Variants in ST3GAL3 observed in about 807,000 individuals in gnomAD.
ST3GAL3 encodes CMP-N-acetylneuraminate-beta-1,4-galactoside alpha-2,3-sialyltransferase.
A neutral mutation model predicts 50.1 loss-of-function variants in ST3GAL3; 21 were observed. The ratio of observed to expected loss-of-function variants is 0.42; its 90% CI spans 0.30 to 0.60. The LOEUF is 0.60. Among genes scored for constraint, ST3GAL3 ranks in the 20% least tolerant of loss-of-function variants. The probability of loss-of-function intolerance (pLI) is 0.19; values close to 1 mark genes in which losing one functional copy is unlikely to be tolerated. For synonymous variants in ST3GAL3, 183 were observed against 190.0 expected (o/e 0.96, Z 0.30); for missense variants, 353 against 489.4 (o/e 0.72, Z 2.63).
intron 5 of ST3GAL3, among the ~76,000 whole-genome samples, chr1:43,888,614 C>T (rs753660492): frequency 1.1e-4 from 16 of 151,618 alleles, no homozygotes; most frequent in Non-Finnish European, 1.6e-4. Flanking sequence ...GCAAGAGATA[C>T]GAATAAAGTT....
chr1:43,725,450 C>T (rs191204094), intron 1 of ST3GAL3, among the ~76,000 whole-genome samples: 38 of 152,230 alleles, frequency 2.5e-4, no homozygotes, highest in African/African-American at 8.7e-4. Context: ...CCACCCACCT[C>T]GGCGTCTCAA....
chr1:43,778,413 A>G (rs1698093204), intron 2 of ST3GAL3, among the ~76,000 whole-genome samples: 1 of 152,240 alleles, frequency 6.6e-6, no homozygotes, highest in Admixed American at 6.5e-5. Context: ...GATGTACCCC[A>G]GAACTTAAAA....
chr1:43,879,694 C>T (rs969598419), intron 5 of ST3GAL3, among the ~76,000 whole-genome samples: 1 of 152,082 alleles, frequency 6.6e-6, no homozygotes, highest in African/African-American at 2.4e-5. Context: ...GAATATGGGA[C>T]TAAAAGAGAA....
chr1:43,891,317 C>A (rs2076652562), intron 5 of ST3GAL3, among the ~76,000 whole-genome samples: 1 of 152,246 alleles, frequency 6.6e-6, no homozygotes, highest in Non-Finnish European at 1.5e-5. Flanking sequence ...CGCCTGTAAT[C>A]CCAGCACTTT....
chr1:43,797,515 C>T (rs1035734194), intron 3 of ST3GAL3, among the ~76,000 whole-genome samples: 4 of 151,958 alleles, frequency 2.6e-5, no homozygotes, highest in Non-Finnish European at 5.9e-5. Context: ...TATAATCCAC[C>T]GTATTAACTG....
At chr1:43,795,591 C>T (rs952891690) in intron 3 of ST3GAL3, among the ~76,000 whole-genome samples, 12 of 152,290 alleles carry the variant, frequency 7.9e-5, no homozygotes, top group East Asian at 5.8e-4. Context: ...ATTTACAAAG[C>T]GCTGGGCATA....
rs1170641209 is a variant in ST3GAL3, at chr1:43,919,069, C to CTTTTTTTTTTTTTTTTTTTTTT, written c.745-1330_745-1309dup. The CTTTTTTTTTTTTTTTTTTTTTT allele has an allele frequency of 2.5e-4, 15 of 60,328 alleles. 4 individuals are homozygous for CTTTTTTTTTTTTTTTTTTTTTT. The highest frequency in any genetic ancestry group is 3.5e-4 in the Non-Finnish European group (12 of 33,934). 3.7% of individuals were successfully genotyped at this position (60,328 alleles called of 1,614,324 possible). On this transcript the variant is annotated intron_variant, in intron 9 of 11. Coordinates refer to ENST00000347631, the MANE Select transcript of ST3GAL3 (RefSeq NM_006279.5). ...TTTCTTTTCTTTCCTTTCTTTGTTT[C>CTTTTTTTTTTTTTTTTTTTTTT]TTTTTTTTTTTTTTTTTTTTTTTTT...
chr1:43,778,765 C>T (rs1261741652), intron 2 of ST3GAL3, among the ~76,000 whole-genome samples: 1 of 147,620 alleles, frequency 6.8e-6, no homozygotes, highest in Non-Finnish European at 1.5e-5. Context: ...CCTGCCTCAG[C>T]CTCCCGAGTA....
intron 9 of ST3GAL3, chr1:43,919,980 G>A: frequency 2.9e-6 from 1 of 340,740 alleles, no homozygotes; most frequent in South Asian, 2.7e-5. Context: ...AGCAGCAAGG[G>A]AAGTGGGAGC....
At chr1:43,838,146 A>G (rs184545374) in intron 4 of ST3GAL3, 73 bp from the exon 5 acceptor site, 5 of 920,274 alleles carry the variant, frequency 5.4e-6, no homozygotes, top group Non-Finnish European at 8.5e-6. Context: ...AAACACCTAC[A>G]GCTCCTTATG....
chr1:43,793,925 T>A (rs114943577), intron 3 of ST3GAL3, among the ~76,000 whole-genome samples: 7,552 of 151,688 alleles, frequency 0.05, 607 homozygotes, highest in African/African-American at 0.17. Context: ...TCTACAAAAA[T>A]TTTTTTAAAA....
intron 1 of ST3GAL3, 106 bp from the exon 2 acceptor site, chr1:43,736,127 C>G: frequency 9.0e-7 from 1 of 1,111,080 alleles, no homozygotes; most frequent in Non-Finnish European, 1.4e-6. Flanking sequence ...AGTGATAACT[C>G]TAAGTTATTC....
intron 5 of ST3GAL3, among the ~76,000 whole-genome samples, chr1:43,847,646 AG>A (rs1428906020): frequency 4.6e-5 from 7 of 152,206 alleles, no homozygotes; most frequent in Non-Finnish European, 1.5e-5. Flanking sequence ...AGGAATGGAG[AG>A]TTATTGTTTA....
chr1:43,778,660 T>G (rs1197556113), intron 2 of ST3GAL3, among the ~76,000 whole-genome samples: 2 of 146,528 alleles, frequency 1.4e-5, no homozygotes, highest in Non-Finnish European at 3.0e-5. Context: ...TTTTTTTTTT[T>G]TTTGAGACGG....
At chr1:43,839,335 T>G (rs1448074638) in intron 5 of ST3GAL3, 1 of 152,260 alleles carries the variant, frequency 6.6e-6, no homozygotes, top group Non-Finnish European at 1.5e-5. Flanking sequence ...TTTTGCTTCC[T>G]CCAGCTATTT....
intron 1 of ST3GAL3, chr1:43,707,915 C>T (rs1296028680): frequency 6.6e-6 from 1 of 152,356 alleles, no homozygotes; most frequent in Admixed American, 6.5e-5. Flanking sequence ...GCCGCCGAGC[C>T]TGGGGGAAAG....
intron 2 of ST3GAL3, among the ~76,000 whole-genome samples, chr1:43,789,184 C>G (rs1310985665): frequency 5.3e-5 from 8 of 151,968 alleles, no homozygotes; most frequent in African/African-American, 1.9e-4. Flanking sequence ...TTGGAGAAAT[C>G]AGTAGAAAGG....
intron 2 of ST3GAL3, among the ~76,000 whole-genome samples, chr1:43,780,211 G>A (rs576335545): frequency 1.2e-4 from 19 of 152,232 alleles, no homozygotes; most frequent in African/African-American, 4.6e-4. Context: ...TAGAATTCTA[G>A]GTTGGAAACC....
At chr1:43,860,220 CT>C (rs2069561343) in intron 5 of ST3GAL3, among the ~76,000 whole-genome samples, 2 of 152,352 alleles carry the variant, frequency 1.3e-5, no homozygotes, top group South Asian at 4.1e-4. Context: ...TGGTCAGCAG[CT>C]GCCTCTGGTT....
Sources: gnomAD v4.1 joint callset for allele counts (sites outside exome capture counted in the v4.1 genomes callset) on GRCh38, gnomAD v4.1.1 for gene constraint, MANE v1.5 for transcripts, NCBI Gene and HGNC (gene_info 2026-07-23, HGNC 2026-07-21) for gene names.